Variants in PCDH11X observed in about 807,000 individuals in gnomAD.
PCDH11X encodes protocadherin 11 X-linked.
A neutral mutation model predicts 53.3 loss-of-function variants in PCDH11X; 18 were observed. That is an observed-to-expected ratio of 0.34 (90% CI 0.23 to 0.50). PCDH11X has a LOEUF of 0.50. Among genes scored for constraint, PCDH11X ranks in the 20% least tolerant of loss-of-function variants. PCDH11X has a pLI of 0.98. For synonymous variants in PCDH11X, 279 were observed against 393.3 expected (o/e 0.71, Z 3.44); for missense variants, 570 against 1,032.4 (o/e 0.55, Z 6.14).
intron 6 of PCDH11X, among the ~76,000 whole-genome samples, chrX:92,120,605 C>A (rs1428748735): frequency 8.9e-6 from 1 of 112,208 alleles, no homozygotes. Context: ...TGATCATTAG[C>A]CTTGTATTTT....
At chrX:92,463,615 C>T (rs1280591987) in intron 9 of PCDH11X, among the ~76,000 whole-genome samples, 2 of 111,357 alleles carry the variant, frequency 1.8e-5, no homozygotes, top group East Asian at 5.6e-4. Context: ...GATGCTGAAT[C>T]GGATGACTGT....
At chrX:92,129,677 G>A (rs975146170) in intron 6 of PCDH11X, among the ~76,000 whole-genome samples, 11 of 111,095 alleles carry the variant, frequency 9.9e-5, no homozygotes, top group African/African-American at 3.6e-4. Flanking sequence ...GGGAAACTTA[G>A]AAAGACCTGT....
chrX:92,300,453 T>A lies in PCDH11X; in HGVS notation c.3144+37310T>A, dbSNP rs1450214756. 2.7e-5 allele frequency among the ~76,000 whole-genome samples: 3 copies of A among 110,157 alleles called. No homozygotes were observed. In the Admixed American group the frequency reaches 2.9e-4, roughly 11 times the overall value. Reference sequence around the variant, plus strand: ...TCCTTCAAGAAGTTGCTATTCTTTGTTTTGTTGTTGTTGTTGTTGTTATTG... The same window carrying A: ...TCCTTCAAGAAGTTGCTATTCTTTGATTTGTTGTTGTTGTTGTTGTTATTG... On this transcript the variant is annotated intron_variant, in intron 8 of 10. Transcript: ENST00000682573.
intron 9 of PCDH11X, among the ~76,000 whole-genome samples, chrX:92,429,341 A>G (rs1375892254): frequency 9.1e-6 from 1 of 109,766 alleles, no homozygotes; most frequent in Non-Finnish European, 1.9e-5. Flanking sequence ...CTCCTACAGA[A>G]CCACACTGAC....
At chrX:92,514,663 G>A (rs2074225898) in intron 10 of PCDH11X, among the ~76,000 whole-genome samples, 1 of 109,269 alleles carries the variant, frequency 9.2e-6, no homozygotes, top group Non-Finnish European at 1.9e-5. Flanking sequence ...CCCGGGAGGT[G>A]GAGGTTGCAG....
Position 92,285,714 on chromosome X carries a change from A to T in PCDH11X, c.3144+22571A>T, listed in dbSNP as rs190195109. Among the ~76,000 whole-genome samples the T allele has an allele frequency of 4.2e-3, 470 of 111,102 alleles. 5 individuals are homozygous for T. In the East Asian group the frequency reaches 0.052, roughly 12 times the overall value. ...TATAAGGAATAGCCATTAATTAAAG[A>T]TTGCTGAGACCAGCTCGGTCATGGA... is the stretch of plus-strand genomic sequence containing the variant. On this transcript the variant is annotated intron_variant, in intron 8 of 10. Transcript: ENST00000682573.
At chrX:91,838,609 C>G (rs1275403784) in intron 5 of PCDH11X, among the ~76,000 whole-genome samples, 4 of 109,961 alleles carry the variant, frequency 3.6e-5, no homozygotes, top group African/African-American at 1.3e-4. Flanking sequence ...AGAAAAGAAG[C>G]ATGTGTTGAT....
rs184460923 is a variant in PCDH11X at position 92,180,363 on chromosome X, C to G, written c.3034-21012C>G. On this transcript the variant is annotated intron_variant, in intron 6 of 10. Transcript: ENST00000682573. Reference sequence around the variant, plus strand: ...GGGGACACAGAGCCAAACCATATCACTCTCTTAATTATTTTACCTCAAAGC... The same window carrying G: ...GGGGACACAGAGCCAAACCATATCAGTCTCTTAATTATTTTACCTCAAAGC... Among the ~76,000 whole-genome samples the G allele has an allele frequency of 3.1e-3, 347 of 110,788 alleles. 3 individuals carry two copies. The highest frequency in any genetic ancestry group is 0.011 in the African/African-American group (334 of 30,500).
intron 6 of PCDH11X, among the ~76,000 whole-genome samples, chrX:92,107,768 G>C (rs2064417246): frequency 9.0e-6 from 1 of 111,649 alleles, no homozygotes; most frequent in African/African-American, 3.3e-5. Context: ...AAACCGAGCT[G>C]TACCCCAACC....
At chrX:92,004,262 T>C (rs1017100334) in intron 6 of PCDH11X, among the ~76,000 whole-genome samples, 1 of 112,193 alleles carries the variant, frequency 8.9e-6, no homozygotes, top group Non-Finnish European at 1.9e-5. Context: ...ATTATTTTAA[T>C]TTTTTTGAAT....
intron 10 of PCDH11X, among the ~76,000 whole-genome samples, chrX:92,595,353 C>T (rs1244927388): frequency 2.1e-4 from 23 of 110,939 alleles, no homozygotes; most frequent in Non-Finnish European, 9.4e-5. Flanking sequence ...AAATCTGTGG[C>T]TACACTTAAA....
intron 6 of PCDH11X, among the ~76,000 whole-genome samples, chrX:92,182,730 ACTC>A (rs1413557181): frequency 2.7e-5 from 3 of 111,117 alleles, no homozygotes; most frequent in Non-Finnish European, 5.7e-5. Flanking sequence ...GAGATGACTT[ACTC>A]CTCCTTGCTG....
At chrX:92,275,713 G>A (rs890137821) in intron 8 of PCDH11X, among the ~76,000 whole-genome samples, 2 of 111,629 alleles carry the variant, frequency 1.8e-5, no homozygotes, top group Non-Finnish European at 3.8e-5. Context: ...GTAAAATGGG[G>A]GAATGGTAAG....
chrX:91,856,480 C>T (rs1370796265), intron 5 of PCDH11X, among the ~76,000 whole-genome samples: 6 of 109,254 alleles, frequency 5.5e-5, no homozygotes, highest in African/African-American at 1.7e-4. Flanking sequence ...TTTTTAAGTT[C>T]CAGGGTACAT....
chrX:92,081,507 C>T (rs1195799137), intron 6 of PCDH11X, among the ~76,000 whole-genome samples: 2 of 110,422 alleles, frequency 1.8e-5, no homozygotes, highest in Non-Finnish European at 1.9e-5. Flanking sequence ...CAATTAAGCA[C>T]TTACTATGTG....
At chrX:91,910,157 C>A (rs1270711085) in intron 6 of PCDH11X, among the ~76,000 whole-genome samples, 2 of 107,356 alleles carry the variant, frequency 1.9e-5, no homozygotes, top group African/African-American at 3.4e-5. Context: ...AACAAAGTAT[C>A]TGAACTAATC....
intron 6 of PCDH11X, among the ~76,000 whole-genome samples, chrX:91,972,566 G>T (rs2061978973): frequency 9.2e-6 from 1 of 109,202 alleles, no homozygotes; most frequent in Admixed American, 9.9e-5. Flanking sequence ...TTCTTCTAGG[G>T]TTTTTATGGT....
intron 10 of PCDH11X, among the ~76,000 whole-genome samples, chrX:92,603,974 A>G (rs1384466831): frequency 9.3e-6 from 1 of 106,990 alleles, no homozygotes; most frequent in Non-Finnish European, 1.9e-5. Flanking sequence ...CAATTGTATA[A>G]GATATATACA....
intron 10 of PCDH11X, among the ~76,000 whole-genome samples, chrX:92,589,463 T>A (rs1924784109): frequency 1.8e-5 from 2 of 111,842 alleles, no homozygotes; most frequent in Admixed American, 1.9e-4. Flanking sequence ...AAGCATATAA[T>A]CTTTATTAGT....
Sources: gnomAD v4.1 joint callset for allele counts (sites outside exome capture counted in the v4.1 genomes callset) on GRCh38, gnomAD v4.1.1 for gene constraint, MANE v1.5 for transcripts, NCBI Gene and HGNC (gene_info 2026-07-23, HGNC 2026-07-21) for gene names.